TRAPPC11: variants seen among roughly 807,000 people sequenced by gnomAD.
TRAPPC11 encodes trafficking protein particle complex subunit 11, also known as foie gras homolog.
TRAPPC11 carries 104 observed loss-of-function variants against 151.2 expected under a neutral mutation model. That is an observed-to-expected ratio of 0.69 (90% CI 0.59 to 0.81). The LOEUF (loss-of-function observed/expected upper bound fraction) is 0.81, where lower values mean the gene tolerates loss of function less well. Among genes scored for constraint, TRAPPC11 ranks in the 30% least tolerant of loss-of-function variants. The pLI is 0.00. For missense variants in TRAPPC11, 1,230 were observed against 1,349.6 expected (o/e 0.91, Z 1.39); for synonymous variants, 456 against 472.3 (o/e 0.97, Z 0.45).
intron 7 of TRAPPC11, among the ~76,000 whole-genome samples, 173 bp downstream of exon 7, chr4:183,675,410 T>C (rs1735363482): frequency 6.6e-6 from 1 of 152,200 alleles, no homozygotes; most frequent in Non-Finnish European, 1.5e-5. Flanking sequence ...TTTTAAAAAT[T>C]TTCATTTTAT....
At chr4:183,696,781 G>A (rs114289092) in intron 23 of TRAPPC11, among the ~76,000 whole-genome samples, 2,248 of 152,080 alleles carry the variant, frequency 0.015, 53 homozygotes, top group African/African-American at 0.052. Context: ...ATCTTAAAGT[G>A]GCAATCATAA....
rs772669240 is a variant in TRAPPC11, at chr4:183,666,260, A to G, written c.208A>G (p.Thr70Ala). 6.2e-7 allele frequency: 1 copy of G among 1,608,710 alleles called. No homozygotes were observed. Among genetic ancestry groups the G allele is most frequent in the Non-Finnish European group, 8.5e-7 (1 of 1,177,904 alleles). ...HEYPKCRPKRTSYEWYIPKGI... is the reference protein window; with the variant it reads ...HEYPKCRPKRASYEWYIPKGI... Reference sequence around the variant, plus strand: ...CAATTTCTGCCAATGTTTGCAGAGAACTTCATATGAGTGGTACATTCCTAA... The same window carrying G: ...CAATTTCTGCCAATGTTTGCAGAGAGCTTCATATGAGTGGTACATTCCTAA... Residue 70 changes from threonine (T) to alanine (A), a missense_variant, in exon 3 of 30, where the codon ACT (threonine) becomes GCT (alanine). Thr to Ala is a moderately conservative substitution (Grantham distance 58). Transcript: ENST00000334690.
rs73002786 is a variant in TRAPPC11, at chr4:183,690,698, G to A, written c.1894-618G>A. On this transcript the variant is annotated intron_variant, in intron 18 of 29. Coordinates refer to ENST00000334690, the MANE Select transcript of TRAPPC11 (RefSeq NM_021942.6). ...GCAAAGGAATGGGGCTGGGCTTGGT[G>A]GCTCACACCTGTAATCCCAACACTT... Among the ~76,000 whole-genome samples the A allele has an allele frequency of 4.8e-3, 729 of 152,342 alleles. 5 individuals carry two copies. Among genetic ancestry groups the A allele is most frequent in the African/African-American group, 0.016 (682 of 41,576 alleles).
intron 11 of TRAPPC11, among the ~76,000 whole-genome samples, 186 bp downstream of exon 11, chr4:183,683,011 A>G (rs1579187721): frequency 2.0e-5 from 3 of 152,202 alleles, no homozygotes; most frequent in African/African-American, 4.8e-5. Context: ...ACTTATAATT[A>G]AAGTTGCTGT....
At chr4:183,709,602 C>G (rs1015659589) in intron 29 of TRAPPC11, among the ~76,000 whole-genome samples, 1 of 152,044 alleles carries the variant, frequency 6.6e-6, no homozygotes, top group African/African-American at 2.4e-5. Flanking sequence ...GGTGAAACCC[C>G]ATCTCTACTA....
chr4:183,676,110 T>C (rs748078545), intron 7 of TRAPPC11, among the ~76,000 whole-genome samples: 8 of 152,220 alleles, frequency 5.3e-5, no homozygotes, highest in Non-Finnish European at 1.0e-4. Flanking sequence ...AAGTTGTGTT[T>C]CCTGAATCTC....
Position 183,708,541 on chromosome 4 carries a change from C to A in TRAPPC11, c.3324C>A (p.Leu1108=). The A allele has an allele frequency of 6.2e-7, 1 of 1,614,066 alleles. No homozygotes were observed. Among genetic ancestry groups the A allele is most frequent in the South Asian group, 1.1e-5 (1 of 91,072 alleles). ...TTCCTAACTTCACAAATCAGCTGCTCAGGCGTTTTATACCTACCAGTATTT... is the reference window on the plus strand; with the variant it reads ...TTCCTAACTTCACAAATCAGCTGCTAAGGCGTTTTATACCTACCAGTATTT... The part of the protein sequence containing the change: ...LRFPNFTNQL[L]RRFIPTSIFV... The change falls in exon 29 of 30, where the codon CTC becomes CTA. Residue 1108 remains leucine, a synonymous_variant. Coordinates refer to ENST00000334690, the MANE Select transcript of TRAPPC11 (RefSeq NM_021942.6).
At chr4:183,706,489 C>T (rs1040269856) in intron 27 of TRAPPC11, among the ~76,000 whole-genome samples, 1 of 151,104 alleles carries the variant, frequency 6.6e-6, no homozygotes, top group African/African-American at 2.4e-5. Flanking sequence ...CACCACTGCA[C>T]TCCAGCCTGG....
chr4:183,664,888 G>A (rs1017869419), intron 2 of TRAPPC11, among the ~76,000 whole-genome samples: 8 of 151,832 alleles, frequency 5.3e-5, no homozygotes, highest in African/African-American at 1.5e-4. Context: ...ATAACCTGGG[G>A]TATTTATTAA....
intron 29 of TRAPPC11, among the ~76,000 whole-genome samples, chr4:183,709,042 A>C (rs1290651825): frequency 6.6e-6 from 1 of 152,092 alleles, no homozygotes; most frequent in African/African-American, 2.4e-5. Flanking sequence ...AAAAGAATAC[A>C]TACGATGGGC....
chr4:183,665,161 A>C (rs13152325), intron 2 of TRAPPC11, among the ~76,000 whole-genome samples: 27,892 of 135,854 alleles, frequency 0.21, 3,250 homozygotes, highest in Middle Eastern at 0.32. Context: ...GTGGCGCGAT[A>C]TCGGCTCACT....
intron 15 of TRAPPC11, 30 bp from the exon 16 acceptor site, chr4:183,685,053 TA>T: frequency 6.2e-7 from 1 of 1,602,296 alleles, no homozygotes; most frequent in Non-Finnish European, 8.5e-7. Context: ...TATAAGTACT[TA>T]AAATGTTTTT....
rs1387540952 is a variant in TRAPPC11, at chr4:183,663,960, A to G, written c.93A>G (p.Ala31=). 3.7e-6 allele frequency: 6 copies of G among 1,614,136 alleles called. No individual in the cohort carries two copies. In the East Asian group the frequency reaches 1.3e-4, roughly 36 times the overall value. The change falls in exon 2 of 30, where the codon GCA becomes GCG. Residue 31 remains alanine, a synonymous_variant. Transcript: ENST00000334690. ...TLTGLDVVYN[A]VHRAVWDAFC... ...CGGGCCTGGATGTAGTTTATAATGC[A>G]GTCCATCGAGCTGTCTGGGACGCCT...
intron 7 of TRAPPC11, among the ~76,000 whole-genome samples, chr4:183,676,267 A>G (rs553955713): frequency 1.8e-4 from 27 of 151,920 alleles, no homozygotes; most frequent in African/African-American, 6.0e-4. Context: ...CTCCTGTCTC[A>G]GCCTCCCGAG....
intron 17 of TRAPPC11, 75 bp downstream of exon 17, chr4:183,685,478 T>C: frequency 6.7e-7 from 1 of 1,482,058 alleles, no homozygotes; most frequent in Non-Finnish European, 9.2e-7. Flanking sequence ...TGCAGAATAA[T>C]AAATATAAAA....
At chr4:183,689,652 A>C (rs1736155406) in intron 18 of TRAPPC11, among the ~76,000 whole-genome samples, 1 of 146,356 alleles carries the variant, frequency 6.8e-6, no homozygotes, top group South Asian at 2.2e-4. Flanking sequence ...TTTTTTAAAG[A>C]GATACTTTGT....
At position 183,684,392 on chromosome 4, in the gene TRAPPC11, A is replaced by G. The variant is rs137990468; in HGVS notation, c.1421+33A>G. ...CTGTTCACTATTTACTTTTACAAGT[A>G]TTTGGATTATCTGAAGTGAAACTGA... is the stretch of plus-strand genomic sequence containing the variant. On this transcript the variant is annotated intron_variant, in intron 14 of 29. Transcript: ENST00000334690. 8.2e-5 allele frequency: 130 copies of G among 1,577,230 alleles called. No homozygotes were observed. The East Asian group carries it at 1.9e-3, about 23-fold the overall frequency.
Position 183,686,671 on chromosome 4 carries a change from C to A in TRAPPC11, c.1816C>A (p.Gln606Lys), listed in dbSNP as rs1171897657. Residue 606 changes from glutamine (Q) to lysine (K), a missense_variant, in exon 18 of 30, where the codon CAG becomes AAG. Physicochemically the swap from Gln to Lys is moderately conservative, Grantham distance 53. Coordinates refer to ENST00000334690, the MANE Select transcript of TRAPPC11 (RefSeq NM_021942.6). ...APSFHVDVPV[Q>K]FDIYLKADCP... ...AAGTTTTCATGTTGATGTTCCTGTT[C>A]AGTTTGATATTTATCTGAAGGCTGA... 43 of 1,613,830 alleles carry A rather than the reference C, an allele frequency of 2.7e-5. No individual in the cohort carries two copies. The highest frequency in any genetic ancestry group is 3.6e-5 in the Non-Finnish European group (42 of 1,179,934).
chr4:183,666,531 T>C, intron 3 of TRAPPC11, 105 bp downstream of exon 3: 2 of 1,161,606 alleles, frequency 1.7e-6, no homozygotes, highest in South Asian at 1.7e-5. Context: ...AGTGGTCACT[T>C]TGCGGATTGA....
Sources: gnomAD v4.1 joint callset for allele counts (sites outside exome capture counted in the v4.1 genomes callset) on GRCh38, gnomAD v4.1.1 for gene constraint, MANE v1.5 for transcripts, NCBI Gene and HGNC (gene_info 2026-07-23, HGNC 2026-07-21) for gene names.